ESR1: variants seen among roughly 807,000 people sequenced by gnomAD.
The protein encoded by ESR1 is estrogen receptor.
Under a neutral mutation model 52.7 loss-of-function variants are expected in ESR1, and 12 were observed. The ratio of observed to expected loss-of-function variants is 0.23; its 90% CI spans 0.15 to 0.37. The LOEUF is 0.37. Ranked by LOEUF, ESR1 falls within the 10% of genes least tolerant of loss-of-function variation. ESR1 has a pLI of 1.00. For synonymous variants in ESR1, 305 were observed against 316.8 expected (o/e 0.96, Z 0.39); for missense variants, 584 against 779.7 (o/e 0.75, Z 2.99).
chr6:151,887,995 T>C (rs1243362647), intron 3 of ESR1, among the ~76,000 whole-genome samples: 4 of 152,242 alleles, frequency 2.6e-5, no homozygotes, highest in Non-Finnish European at 5.9e-5. Context: ...ATTAATTGGC[T>C]CTAAATGAAT....
chr6:151,906,787 A>G (rs1797523910), intron 3 of ESR1, among the ~76,000 whole-genome samples: 1 of 149,888 alleles, frequency 6.7e-6, no homozygotes, highest in Admixed American at 6.7e-5. Context: ...TTTTTTCTTT[A>G]TAGTTTGTGC....
intron 5 of ESR1, among the ~76,000 whole-genome samples, chr6:152,015,380 CT>C (rs2128796002): frequency 6.6e-6 from 1 of 152,274 alleles, no homozygotes; most frequent in Non-Finnish European, 1.5e-5. Flanking sequence ...GCTTTTCTTT[CT>C]TTTCCTTTTC....
chr6:151,995,205 A>G lies in ESR1; in HGVS notation c.1097-16451A>G, dbSNP rs201122275. ...CCCGGGATCCAAAACTCCTGAATCC[A>G]TAAAAGGGCTTTTGACTTCTTGTTC... On this transcript the variant is annotated intron_variant, in intron 4 of 7. Transcript: ENST00000206249. Among the ~76,000 whole-genome samples the G allele has an allele frequency of 1.5e-4, 23 of 152,308 alleles. 1 individual carries two copies. The East Asian group carries it at 4.1e-3, about 27-fold the overall frequency.
At chr6:151,723,516 G>A (rs557701664) in intron 2 of ESR1, among the ~76,000 whole-genome samples, 11 of 152,290 alleles carry the variant, frequency 7.2e-5, no homozygotes, top group African/African-American at 2.2e-4. Flanking sequence ...TTGTAAACTA[G>A]GAGGGTATCT....
At chr6:151,865,285 A>G (rs1789679238) in intron 2 of ESR1, among the ~76,000 whole-genome samples, 1 of 152,170 alleles carries the variant, frequency 6.6e-6, no homozygotes, top group Admixed American at 6.6e-5. Flanking sequence ...CTTTCCATAT[A>G]AGTACATATT....
chr6:152,083,491 A>T (rs190115999), intron 6 of ESR1, among the ~76,000 whole-genome samples: 1 of 152,166 alleles, frequency 6.6e-6, no homozygotes, highest in East Asian at 1.9e-4. Context: ...CTTAAATGTA[A>T]GACCTAACAC....
intron 5 of ESR1, among the ~76,000 whole-genome samples, chr6:152,033,535 A>G (rs1433966308): frequency 6.6e-6 from 1 of 152,246 alleles, no homozygotes; most frequent in Non-Finnish European, 1.5e-5. Flanking sequence ...CAACAGACAC[A>G]TGAAAAAATG....
chr6:151,670,290 G>A (rs144708394), intron 1 of ESR1, among the ~76,000 whole-genome samples: 63 of 152,202 alleles, frequency 4.1e-4, no homozygotes, highest in African/African-American at 1.3e-3. Context: ...TTCCCTGACC[G>A]TCAGGTCCAA....
chr6:151,832,998 A>G (rs1036715654), intron 1 of ESR1, among the ~76,000 whole-genome samples: 1 of 152,218 alleles, frequency 6.6e-6, no homozygotes, highest in Non-Finnish European at 1.5e-5. Context: ...GAATAGTTCT[A>G]TACATGATGC....
At chr6:152,074,891 G>A (rs888483078) in intron 6 of ESR1, among the ~76,000 whole-genome samples, 2 of 152,206 alleles carry the variant, frequency 1.3e-5, no homozygotes, top group African/African-American at 4.8e-5. Flanking sequence ...GTCTTCTGTG[G>A]TGAGGTGTCT....
At chr6:151,771,605 C>T (rs62442033) in intron 2 of ESR1, among the ~76,000 whole-genome samples, 1,923 of 152,228 alleles carry the variant, frequency 0.013, 16 homozygotes, top group Non-Finnish European at 0.019. Flanking sequence ...GAGTGAAAAA[C>T]AGCAAGTTGC....
At chr6:151,742,194 C>T (rs1483954202) in intron 2 of ESR1, among the ~76,000 whole-genome samples, 1 of 152,162 alleles carries the variant, frequency 6.6e-6, no homozygotes, top group Non-Finnish European at 1.5e-5. Context: ...ATCTTGGCTG[C>T]TGTGAATAGT....
intron 7 of ESR1, among the ~76,000 whole-genome samples, chr6:152,096,966 T>C (rs2050658934): frequency 6.6e-6 from 1 of 152,216 alleles, no homozygotes; most frequent in Admixed American, 6.5e-5. Flanking sequence ...CATTAACTGC[T>C]TGTCAGCATT....
chr6:152,124,354 C>G (rs1018933361), intron 6 of ESR1, among the ~76,000 whole-genome samples: 1 of 152,158 alleles, frequency 6.6e-6, no homozygotes, highest in African/African-American at 2.4e-5. Context: ...ACAGGCAGCA[C>G]GCAGTGTTTC....
chr6:151,962,356 CT>C (rs969537690), intron 4 of ESR1, among the ~76,000 whole-genome samples: 3 of 152,160 alleles, frequency 2.0e-5, no homozygotes, highest in Non-Finnish European at 4.4e-5. Flanking sequence ...GTTCTGCCCC[CT>C]GTTCCCTGAG....
intron 2 of ESR1, among the ~76,000 whole-genome samples, chr6:151,742,314 T>C (rs866888346): frequency 3.3e-5 from 5 of 152,174 alleles, no homozygotes; most frequent in Non-Finnish European, 5.9e-5. Context: ...CTATTCTTAA[T>C]TTTTTGAGAA....
At chr6:151,815,505 C>A (rs1779475462) in intron 1 of ESR1, among the ~76,000 whole-genome samples, 1 of 152,142 alleles carries the variant, frequency 6.6e-6, no homozygotes, top group Admixed American at 6.6e-5. Flanking sequence ...GCATCAGGGA[C>A]ATGGTTTGCT....
intron 4 of ESR1, among the ~76,000 whole-genome samples, chr6:151,970,611 T>C (rs1245217366): frequency 6.6e-6 from 1 of 152,166 alleles, no homozygotes; most frequent in Admixed American, 6.5e-5. Flanking sequence ...TTATTCACAC[T>C]TTATTGTTAA....
intron 4 of ESR1, among the ~76,000 whole-genome samples, chr6:151,954,578 G>A (rs2036692612): frequency 6.6e-6 from 1 of 152,294 alleles, no homozygotes; most frequent in African/African-American, 2.4e-5. Context: ...CGTCTCTGGA[G>A]ATGTTAAGTG....
Sources: allele counts gnomAD v4.1 joint callset (sites outside exome capture counted in the v4.1 genomes callset), GRCh38; gene constraint gnomAD v4.1.1; transcripts MANE v1.5; gene names NCBI Gene and HGNC (gene_info 2026-07-23, HGNC 2026-07-21).